The following HACE1 variants were observed in gnomAD, a reference collection of about 807,000 sequenced individuals.
The protein encoded by HACE1 is HECT domain and ankyrin repeat containing E3 ubiquitin protein ligase 1, also known as E3 ubiquitin-protein ligase HACE1.
Under a neutral mutation model 118.4 loss-of-function variants are expected in HACE1, and 73 were observed. That is an observed-to-expected ratio of 0.62 (90% CI 0.51 to 0.75). The LOEUF is 0.75. Among genes scored for constraint, HACE1 ranks in the 30% least tolerant of loss-of-function variants. HACE1 has a pLI of 0.00. For missense variants in HACE1, 749 were observed against 1,102.2 expected (o/e 0.68, Z 4.54); for synonymous variants, 368 against 374.8 (o/e 0.98, Z 0.21).
Position 104,737,353 on chromosome 6 carries a change from G to C in HACE1, c.2513+6807C>G, listed in dbSNP as rs12207070. Among the ~76,000 whole-genome samples the C allele has an allele frequency of 1.1e-4, 16 of 150,166 alleles. No individual in the cohort carries two copies. The South Asian group carries it at 2.7e-3, about 26-fold the overall frequency. ...AAGATGGCCAAATAGGAACAGCTCC[G>C]GTCTACAGCTCCCAGCGTGAGCCAC... On this transcript the variant is annotated intron_variant, in intron 22 of 23. Transcript: ENST00000262903.
chr6:104,833,227 C>G (rs1462490112), intron 5 of HACE1, 54 bp from the exon 6 acceptor site: 3 of 1,476,438 alleles, frequency 2.0e-6, no homozygotes, highest in African/African-American at 2.8e-5. Context: ...TATATAAAAA[C>G]AGCAGATAAA....
intron 1 of HACE1, among the ~76,000 whole-genome samples, chr6:104,853,883 AT>A (rs1776472848): frequency 1.3e-5 from 2 of 152,104 alleles, no homozygotes; most frequent in Admixed American, 6.5e-5. Flanking sequence ...TATGTATATG[AT>A]TTTTTTCCCT....
rs1191335864 is a variant in HACE1, at chr6:104,772,118, T to C, written c.1865-44A>G. 8 of 1,117,250 alleles carry C rather than the reference T, an allele frequency of 7.2e-6. No individual in the cohort carries two copies. The Admixed American group carries it at 1.4e-4, about 20-fold the overall frequency. The allele number at this position is 1,117,250 out of a possible 1,614,324, so 69.2% of individuals were successfully genotyped here. A position where few individuals can be genotyped will look rare whatever the true frequency, so the allele number is the denominator to read the frequency against. ...AATAATATATTATTAAGAATCTATA[T>C]GCAGAAGAAAGATTACTTCGATGCA... On this transcript the variant is annotated intron_variant, in intron 17 of 23. Transcript: ENST00000262903.
chr6:104,836,986 T>A (rs73768839), intron 5 of HACE1, among the ~76,000 whole-genome samples: 5,820 of 152,154 alleles, frequency 0.038, 367 homozygotes, highest in African/African-American at 0.14. Context: ...TTCTAATGAA[T>A]AAAATCAAAG....
intron 22 of HACE1, among the ~76,000 whole-genome samples, chr6:104,736,010 T>C (rs1775786575): frequency 6.6e-6 from 1 of 151,916 alleles, no homozygotes; most frequent in Admixed American, 6.6e-5. Context: ...GTATATGTGT[T>C]AAAAATTCTA....
chr6:104,800,042 A>T (rs1446958645), intron 7 of HACE1, among the ~76,000 whole-genome samples: 1 of 152,154 alleles, frequency 6.6e-6, no homozygotes, highest in East Asian at 1.9e-4. Context: ...AGTAAACGAC[A>T]CACCAGGAGA....
chr6:104,837,352 T>C (rs1315497311), intron 5 of HACE1, among the ~76,000 whole-genome samples: 1 of 152,198 alleles, frequency 6.6e-6, no homozygotes, highest in Non-Finnish European at 1.5e-5. Context: ...TATGCCCAAC[T>C]GATTTTTGAA....
intron 19 of HACE1, among the ~76,000 whole-genome samples, chr6:104,751,936 ACAAACAAAAAAAAC>A (rs1280471562): frequency 1.4e-5 from 2 of 144,102 alleles, no homozygotes; most frequent in African/African-American, 5.3e-5. Flanking sequence ...TCAAAAACAA[ACAAACAAAAAAAAC>A]CAAACAAAAA....
At chr6:104,828,561 A>G (rs1405945775) in intron 6 of HACE1, among the ~76,000 whole-genome samples, 1 of 152,020 alleles carries the variant, frequency 6.6e-6, no homozygotes, top group Non-Finnish European at 1.5e-5. Flanking sequence ...ATTATTAAGA[A>G]GTTGTTATGA....
At chr6:104,792,509 T>C (rs1033816663) in intron 10 of HACE1, among the ~76,000 whole-genome samples, 1 of 152,212 alleles carries the variant, frequency 6.6e-6, no homozygotes, top group African/African-American at 2.4e-5. Context: ...GATGGTGGTT[T>C]TATTTTGAAA....
intron 6 of HACE1, among the ~76,000 whole-genome samples, chr6:104,831,979 A>AGAAGAGAAGAG (rs370929585): frequency 0.013 from 500 of 38,646 alleles, 6 homozygotes; most frequent in Middle Eastern, 0.026. Context: ...AGAAGAGAAG[A>AGAAGAGAAGAG]GAGGAAGGAA....
At chr6:104,858,746 G>C (rs547800347) in intron 1 of HACE1, among the ~76,000 whole-genome samples, 4 of 152,160 alleles carry the variant, frequency 2.6e-5, no homozygotes, top group Non-Finnish European at 4.4e-5. Flanking sequence ...GGCATAAAGA[G>C]CCAAAAGCTT....
intron 11 of HACE1, chr6:104,785,975 C>A (rs1782346895): frequency 6.6e-6 from 1 of 152,064 alleles, no homozygotes; most frequent in Non-Finnish European, 1.5e-5. Flanking sequence ...CTTACAGACA[C>A]AATCCATTTC....
intron 19 of HACE1, among the ~76,000 whole-genome samples, chr6:104,754,105 A>G (rs1000934886): frequency 1.3e-5 from 2 of 152,190 alleles, no homozygotes; most frequent in African/African-American, 2.4e-5. Flanking sequence ...GAACTTCACA[A>G]TGCAATCACA....
rs375523279 is a variant in HACE1 at position 104,785,324 on chromosome 6, G to T, written c.1075-5C>A. 2 of 1,541,090 alleles carry T rather than the reference G, an allele frequency of 1.3e-6. No individual in the cohort carries two copies. The highest frequency in any genetic ancestry group is 1.8e-6 in the Non-Finnish European group (2 of 1,117,806). On this transcript the variant is annotated splice_region_variant and splice_polypyrimidine_tract_variant and intron_variant, in intron 11 of 23. Coordinates refer to ENST00000262903, the MANE Select transcript of HACE1 (RefSeq NM_020771.4). ...GTGCCAAAGCAATTCCAGAGGCTGAGAGAAACAAAAGTGTTTTTTAAACAT... is the reference window on the plus strand; with the variant it reads ...GTGCCAAAGCAATTCCAGAGGCTGATAGAAACAAAAGTGTTTTTTAAACAT...
chr6:104,754,482 C>T (rs2114594045), intron 19 of HACE1, among the ~76,000 whole-genome samples: 1 of 152,088 alleles, frequency 6.6e-6, no homozygotes, highest in Non-Finnish European at 1.5e-5. Flanking sequence ...TCCCCAAAGC[C>T]ATCAGATTCC....
rs200377221 is a variant in HACE1 at position 104,777,304 on chromosome 6, C to A, written c.1580G>T (p.Arg527Leu). 2.1e-5 allele frequency: 34 copies of A among 1,608,848 alleles called. No individual in the cohort carries two copies. The highest frequency in any genetic ancestry group is 2.9e-5 in the Non-Finnish European group (34 of 1,175,256). ...CAAATGTTCATAGAACCATTCACAG[C>A]GATCTTTAAAAGGCTAGCTCAAAAA... ...HIIKAQPFKD[R>L]CEWFYEHLHS... Residue 527 changes from arginine to leucine, a missense_variant, in exon 15 of 24, where the codon CGC (arginine) becomes CTC (leucine). Physicochemically the swap from Arg to Leu is moderately radical, Grantham distance 102. Coordinates refer to ENST00000262903, the MANE Select transcript of HACE1 (RefSeq NM_020771.4).
chr6:104,785,628 T>C (rs1279624063), intron 11 of HACE1: 1 of 322,920 alleles, frequency 3.1e-6, no homozygotes, highest in African/African-American at 2.2e-5. Context: ...AAATGTTTAG[T>C]TTTAAAAGCA....
chr6:104,821,356 A>G (rs1292928622), intron 6 of HACE1, among the ~76,000 whole-genome samples: 1 of 152,218 alleles, frequency 6.6e-6, no homozygotes, highest in Non-Finnish European at 1.5e-5. Context: ...AAAAAAAGAA[A>G]TTATAGAAAA....
Sources: gnomAD v4.1 joint callset for allele counts (sites outside exome capture counted in the v4.1 genomes callset) on GRCh38, gnomAD v4.1.1 for gene constraint, MANE v1.5 for transcripts, NCBI Gene and HGNC (gene_info 2026-07-23, HGNC 2026-07-21) for gene names.